NUBPL: variants seen among roughly 807,000 people sequenced by gnomAD.
The protein encoded by NUBPL is NUBP iron-sulfur cluster assembly factor, mitochondrial, also known as iron-sulfur cluster transfer protein NUBPL.
A neutral mutation model predicts 45.7 loss-of-function variants in NUBPL; 31 were observed. The observed-to-expected ratio is 0.68, with a 90% CI of 0.51 to 0.92. The LOEUF is 0.92. Ranked by LOEUF, NUBPL falls within the 40% of genes least tolerant of loss-of-function variation. NUBPL has a pLI of 0.00. For missense variants in NUBPL, 401 were observed against 398.7 expected, an observed-to-expected ratio of 1.01 and a Z score of -0.05; for synonymous variants, 144 against 140.9, an observed-to-expected ratio of 1.02 and a Z score of -0.15.
intron 7 of NUBPL, among the ~76,000 whole-genome samples, chr14:31,809,434 T>C: frequency 6.6e-6 from 1 of 152,198 alleles, no homozygotes; most frequent in Non-Finnish European, 1.5e-5. Context: ...CTGATGGTAG[T>C]TTGTATTTCT....
At chr14:31,714,623 C>G (rs1394654354) in intron 6 of NUBPL, 1 of 152,272 alleles carries the variant, frequency 6.6e-6, no homozygotes, top group Non-Finnish European at 1.5e-5. Context: ...CACTTATCAC[C>G]AAGAGGATGG....
At position 31,859,818 on chromosome 14, in the gene NUBPL, C is replaced by G. The variant is rs886050454; in HGVS notation, c.*638C>G. The G allele has an allele frequency of 6.4e-6, 1 of 155,832 alleles. No individual in the cohort carries two copies. Among genetic ancestry groups the G allele is most frequent in the Non-Finnish European group, 1.4e-5 (1 of 70,144 alleles). The allele number at this position is 155,832 out of a possible 1,614,324, so 9.7% of individuals were successfully genotyped here. A position where few individuals can be genotyped will look rare whatever the true frequency, so the allele number is the denominator to read the frequency against. ...TAACAAGTTAATTATAATTGTTCTT[C>G]CATTTGTGTGAGTGGGTACTATTAT... is the stretch of plus-strand genomic sequence containing the variant. On this transcript the variant is annotated 3_prime_UTR_variant, in exon 11 of 11. Transcript: ENST00000281081.
chr14:31,836,275 T>C (rs1335352331), intron 8 of NUBPL, among the ~76,000 whole-genome samples: 1 of 152,240 alleles, frequency 6.6e-6, no homozygotes, highest in African/African-American at 2.4e-5. Context: ...GTATTTGCTT[T>C]CTTTCAGTAA....
chr14:31,773,652 T>C (rs1435548068), intron 6 of NUBPL, among the ~76,000 whole-genome samples: 2 of 152,228 alleles, frequency 1.3e-5, no homozygotes, highest in African/African-American at 2.4e-5. Context: ...CATGCTTTCA[T>C]GCTCTGGGAT....
intron 8 of NUBPL, among the ~76,000 whole-genome samples, chr14:31,829,016 G>C (rs2040148404): frequency 6.6e-6 from 1 of 152,212 alleles, no homozygotes; most frequent in Non-Finnish European, 1.5e-5. Flanking sequence ...AGGCTCATAG[G>C]ACTACTTCAG....
At position 31,673,550 on chromosome 14, in the gene NUBPL, G is replaced by A. The variant is rs749347684; in HGVS notation, c.489G>A (p.Ser163=). ...PVVWRGLMVM[S]AIEKLLRQVD... ...TTTGGAGAGGCCTTATGGTAATGTC[G>A]GCCATTGAGAAATTGTTGAGGCAGG... The change falls in exon 6 of 11, where the codon TCG becomes TCA. Residue 163 remains serine (S), a synonymous_variant. Transcript: ENST00000281081. 5.0e-6 allele frequency: 8 copies of A among 1,613,516 alleles called. No individual in the cohort carries two copies. In the African/African-American group the frequency reaches 5.3e-5, roughly 11 times the overall value.
chr14:31,655,860 A>G (rs2036129027), intron 4 of NUBPL, among the ~76,000 whole-genome samples: 2 of 152,244 alleles, frequency 1.3e-5, no homozygotes, highest in African/African-American at 2.4e-5. Context: ...ACTTAAAGTT[A>G]CCAGCTGCAT....
At chr14:31,695,113 A>G (rs1364816693) in intron 6 of NUBPL, among the ~76,000 whole-genome samples, 1 of 152,242 alleles carries the variant, frequency 6.6e-6, no homozygotes, top group Non-Finnish European at 1.5e-5. Context: ...ACAGTATAAA[A>G]GTTTGCAGTC....
intron 4 of NUBPL, among the ~76,000 whole-genome samples, chr14:31,605,775 T>C (rs2034571945): frequency 6.6e-6 from 1 of 151,180 alleles, no homozygotes; most frequent in Non-Finnish European, 1.5e-5. Context: ...CTTCTCCTTC[T>C]TCTTCTTCTT....
At chr14:31,746,852 T>C (rs895221484) in intron 6 of NUBPL, among the ~76,000 whole-genome samples, 1 of 151,808 alleles carries the variant, frequency 6.6e-6, no homozygotes, top group Non-Finnish European at 1.5e-5. Context: ...GGTGGATTGT[T>C]TGAGCTCAGA....
chr14:31,571,524 A>G (rs2033583843), intron 3 of NUBPL, among the ~76,000 whole-genome samples: 1 of 150,684 alleles, frequency 6.6e-6, no homozygotes, highest in South Asian at 2.1e-4. Flanking sequence ...ATCTCGGCTC[A>G]CTGCAACCTC....
At chr14:31,650,089 C>T (rs1332751065) in intron 4 of NUBPL, among the ~76,000 whole-genome samples, 2 of 151,900 alleles carry the variant, frequency 1.3e-5, no homozygotes, top group Admixed American at 6.6e-5. Context: ...AAACTCCCGA[C>T]CTCAGGTGAT....
chr14:31,859,795 A>G lies in NUBPL; in HGVS notation c.*615A>G, dbSNP rs2040683630. ...CAGTAAGAATAATAGCTAACATTTA[A>G]CAAGTTAATTATAATTGTTCTTCCA... On this transcript the variant is annotated 3_prime_UTR_variant, in exon 11 of 11. Transcript: ENST00000281081. 1 of 156,806 alleles carries G rather than the reference A, an allele frequency of 6.4e-6. No individual in the cohort carries two copies. The highest frequency in any genetic ancestry group is 2.4e-5 in the African/African-American group (1 of 41,452). The allele number at this position is 156,806 out of a possible 1,614,324, so 9.7% of individuals were successfully genotyped here.
chr14:31,840,341 A>C (rs2040349094), intron 8 of NUBPL, among the ~76,000 whole-genome samples: 1 of 152,202 alleles, frequency 6.6e-6, no homozygotes. Flanking sequence ...TGGGAGGCCA[A>C]GGCAGATGGA....
chr14:31,694,107 G>A (rs1566505313), intron 6 of NUBPL, among the ~76,000 whole-genome samples: 2 of 151,876 alleles, frequency 1.3e-5, no homozygotes, highest in Non-Finnish European at 1.5e-5. Context: ...TGCCCACCTC[G>A]GCCTCCCAGA....
At chr14:31,582,329 G>T (rs2033885563) in intron 3 of NUBPL, among the ~76,000 whole-genome samples, 1 of 151,338 alleles carries the variant, frequency 6.6e-6, no homozygotes, top group African/African-American at 2.4e-5. Context: ...CACCAGCTGT[G>T]TGTGACTAAG....
chr14:31,817,810 G>A (rs188557128), intron 7 of NUBPL, among the ~76,000 whole-genome samples: 3 of 152,130 alleles, frequency 2.0e-5, no homozygotes, highest in Admixed American at 2.0e-4. Flanking sequence ...ACAAATAACT[G>A]TATTAACCTT....
chr14:31,641,729 A>G (rs919089852), intron 4 of NUBPL, among the ~76,000 whole-genome samples: 13 of 152,064 alleles, frequency 8.5e-5, no homozygotes, highest in Admixed American at 7.2e-4. Flanking sequence ...TGGTAGTTCT[A>G]TTTTTAGTTT....
intron 6 of NUBPL, among the ~76,000 whole-genome samples, chr14:31,680,296 G>A (rs2036800083): frequency 6.6e-6 from 1 of 151,996 alleles, no homozygotes; most frequent in African/African-American, 2.4e-5. Context: ...AGACATCCTG[G>A]CCTTTATCCT....
Sources: gnomAD v4.1 joint callset for allele counts (sites outside exome capture counted in the v4.1 genomes callset) on GRCh38, gnomAD v4.1.1 for gene constraint, MANE v1.5 for transcripts, NCBI Gene and HGNC (gene_info 2026-07-23, HGNC 2026-07-21) for gene names.